The following SLC39A11 variants were observed in gnomAD, a reference collection of about 807,000 sequenced individuals.
SLC39A11 encodes the protein solute carrier family 39 member 11, also known as zinc transporter ZIP11.
SLC39A11 carries 33 observed loss-of-function variants against 36.1 expected under a neutral mutation model. That is an observed-to-expected ratio of 0.91 (90% CI 0.69 to 1.22). The LOEUF is 1.22. Among genes scored for constraint, SLC39A11 ranks in the 50% most tolerant of loss-of-function variants. The pLI, the probability that SLC39A11 is intolerant of heterozygous loss-of-function variation, is 0.00. For missense variants in SLC39A11, 432 were observed against 430.3 expected (o/e 1.00, Z -0.03); for synonymous variants, 166 against 170.3 (o/e 0.97, Z 0.20).
intron 3 of SLC39A11, chr17:73,072,272 G>A (rs905518792): frequency 2.0e-5 from 3 of 152,720 alleles, no homozygotes; most frequent in Non-Finnish European, 2.9e-5. Flanking sequence ...AACACAGAAG[G>A]GTAGGAGGGG....
At chr17:73,065,266 G>A (rs9674849) in intron 3 of SLC39A11, among the ~76,000 whole-genome samples, 11,860 of 152,114 alleles carry the variant, frequency 0.078, 716 homozygotes, top group East Asian at 0.38. Flanking sequence ...TTAGTTGGGC[G>A]TGGTGGCAGG....
intron 3 of SLC39A11, among the ~76,000 whole-genome samples, chr17:73,048,121 TG>T (rs921734021): frequency 6.6e-6 from 1 of 151,132 alleles, no homozygotes; most frequent in African/African-American, 2.4e-5. Context: ...CTTTGTTACA[TG>T]GGTATACTGC....
intron 4 of SLC39A11, among the ~76,000 whole-genome samples, chr17:72,973,892 A>C (rs2087642174): frequency 6.6e-6 from 1 of 151,998 alleles, no homozygotes; most frequent in Non-Finnish European, 1.5e-5. Flanking sequence ...ATGGTCTGAA[A>C]GTTTGTGTCC....
At chr17:72,907,082 G>A (rs2082693391) in intron 5 of SLC39A11, among the ~76,000 whole-genome samples, 1 of 152,244 alleles carries the variant, frequency 6.6e-6, no homozygotes, top group Non-Finnish European at 1.5e-5. Flanking sequence ...TGGGAAGAGA[G>A]AGCTGGCATT....
chr17:73,032,537 A>T (rs1225190759), intron 3 of SLC39A11, among the ~76,000 whole-genome samples: 1 of 152,156 alleles, frequency 6.6e-6, no homozygotes, highest in Non-Finnish European at 1.5e-5. Context: ...AAATTCTTCC[A>T]AGACAAATTG....
chr17:72,678,067 G>A (rs2071351476), intron 7 of SLC39A11, among the ~76,000 whole-genome samples: 2 of 152,146 alleles, frequency 1.3e-5, no homozygotes, highest in South Asian at 2.1e-4. Flanking sequence ...CAGAAGCAGA[G>A]GGTCCATGTT....
In SLC39A11 at chr17:73,079,707, C is replaced by T. The variant is rs147385494; in HGVS notation, c.147+5101G>A. Among the ~76,000 whole-genome samples the T allele has an allele frequency of 2.5e-3, 383 of 152,258 alleles. 3 individuals are homozygous for T. The highest frequency in any genetic ancestry group is 8.8e-3 in the African/African-American group (366 of 41,544). Reference sequence around the variant, plus strand: ...AATCAGTAAAGAGGAAGTCAAACATCGCTGTTTGCCGACGATATGATCGTA... The same window carrying T: ...AATCAGTAAAGAGGAAGTCAAACATTGCTGTTTGCCGACGATATGATCGTA... On this transcript the variant is annotated intron_variant, in intron 3 of 9. Coordinates refer to ENST00000255559, the MANE Select transcript of SLC39A11 (RefSeq NM_139177.4).
At chr17:72,813,101 C>T (rs1450184226) in intron 6 of SLC39A11, among the ~76,000 whole-genome samples, 8 of 152,130 alleles carry the variant, frequency 5.3e-5, no homozygotes, top group East Asian at 3.9e-4. Flanking sequence ...CCATAGCTCC[C>T]GTCTATTATT....
rs554916260 is a variant in SLC39A11 at position 72,841,994 on chromosome 17, C to A, written c.601+7640G>T. On this transcript the variant is annotated intron_variant, in intron 6 of 9. Coordinates refer to ENST00000255559, the MANE Select transcript of SLC39A11 (RefSeq NM_139177.4). ...GGCTGAGGTGGGAGGATCAACTGAG[C>A]CCAAGGTTGAGGCCGCAGTGAGCCA... Among the ~76,000 whole-genome samples the A allele has an allele frequency of 1.5e-3, 224 of 152,002 alleles. 2 individuals carry two copies. The highest frequency in any genetic ancestry group is 5.8e-3 in the South Asian group (28 of 4,796).
intron 7 of SLC39A11, among the ~76,000 whole-genome samples, chr17:72,655,587 G>A (rs1598236331): frequency 6.6e-6 from 1 of 152,282 alleles, no homozygotes; most frequent in Admixed American, 6.5e-5. Flanking sequence ...GGCCAAGCCC[G>A]CCTCCCTCCC....
At chr17:73,024,585 A>C (rs1256685626) in intron 4 of SLC39A11, among the ~76,000 whole-genome samples, 3 of 152,244 alleles carry the variant, frequency 2.0e-5, no homozygotes, top group African/African-American at 7.2e-5. Flanking sequence ...ACATGCAAAC[A>C]CACCTCTGGG....
intron 7 of SLC39A11, chr17:72,725,387 C>A (rs540501217): frequency 2.0e-5 from 3 of 152,088 alleles, no homozygotes; most frequent in Non-Finnish European, 4.4e-5. Flanking sequence ...AAGACAATAA[C>A]GAGCTTTATA....
intron 5 of SLC39A11, among the ~76,000 whole-genome samples, chr17:72,869,609 A>C (rs935381983): frequency 6.6e-6 from 1 of 152,112 alleles, no homozygotes; most frequent in African/African-American, 2.4e-5. Context: ...CAAACTCCTG[A>C]CCTCAGGTGA....
At chr17:73,043,523 T>C (rs371929976) in intron 3 of SLC39A11, among the ~76,000 whole-genome samples, 1 of 152,176 alleles carries the variant, frequency 6.6e-6, no homozygotes, top group East Asian at 1.9e-4. Context: ...TGCAGCAGCT[T>C]AGCCAGCATG....
chr17:72,761,145 C>T (rs892267283), intron 6 of SLC39A11, among the ~76,000 whole-genome samples: 18 of 152,182 alleles, frequency 1.2e-4, no homozygotes, highest in African/African-American at 4.1e-4. Flanking sequence ...AGATGGAGTT[C>T]GCTCTGCTGC....
chr17:72,926,221 A>G (rs1056151582), intron 5 of SLC39A11, among the ~76,000 whole-genome samples: 1 of 152,262 alleles, frequency 6.6e-6, no homozygotes, highest in Admixed American at 6.5e-5. Flanking sequence ...AAATCAAATC[A>G]TAATTTCCTT....
intron 4 of SLC39A11, among the ~76,000 whole-genome samples, chr17:72,997,687 G>A (rs1307846306): frequency 6.6e-6 from 1 of 152,210 alleles, no homozygotes; most frequent in Non-Finnish European, 1.5e-5. Context: ...ACACTGTTCT[G>A]AGTAGCATGA....
intron 4 of SLC39A11, among the ~76,000 whole-genome samples, chr17:73,022,595 TAAAAA>T (rs10675859): frequency 2.6e-4 from 15 of 56,774 alleles, no homozygotes; most frequent in Non-Finnish European, 3.7e-4. Flanking sequence ...AACTCCATCT[TAAAAA>T]AAAAAAAAAA....
At chr17:73,003,270 TACAGATC>T (rs1162746392) in intron 4 of SLC39A11, among the ~76,000 whole-genome samples, 1 of 152,222 alleles carries the variant, frequency 6.6e-6, no homozygotes, top group East Asian at 1.9e-4. Flanking sequence ...TCTGGAAATG[TACAGATC>T]ACCCCAGCTT....
Sources: gnomAD v4.1 joint callset for allele counts (sites outside exome capture counted in the v4.1 genomes callset) on GRCh38, gnomAD v4.1.1 for gene constraint, MANE v1.5 for transcripts, NCBI Gene and HGNC (gene_info 2026-07-23, HGNC 2026-07-21) for gene names.